Variants in MYO5B observed in about 807,000 individuals in gnomAD.
MYO5B encodes the protein myosin VB, also known as unconventional myosin-Vb.
Under a neutral mutation model 229.3 loss-of-function variants are expected in MYO5B, and 143 were observed. That is an observed-to-expected ratio of 0.62 (90% CI 0.54 to 0.72). The LOEUF is 0.72. Among genes scored for constraint, MYO5B ranks in the 30% least tolerant of loss-of-function variants. The probability of loss-of-function intolerance (pLI) is 0.00; values close to 1 mark genes in which losing one functional copy is unlikely to be tolerated. For missense variants in MYO5B, 2,321 were observed against 2,331.0 expected (o/e 1.00, Z 0.09); for synonymous variants, 918 against 885.2 (o/e 1.04, Z -0.66).
At chr18:50,104,360 T>A (rs1328797272) in intron 1 of MYO5B, among the ~76,000 whole-genome samples, 1 of 150,964 alleles carries the variant, frequency 6.6e-6, no homozygotes, top group East Asian at 1.9e-4. Context: ...CAAAAAAATT[T>A]ACCAATTTTT....
intron 1 of MYO5B, among the ~76,000 whole-genome samples, chr18:50,078,280 G>T (rs1049675524): frequency 6.6e-6 from 1 of 152,164 alleles, no homozygotes; most frequent in African/African-American, 2.4e-5. Flanking sequence ...AGTAGATTAG[G>T]TGCCTTTCGA....
At chr18:49,897,728 G>C (rs1336240296) in intron 21 of MYO5B, among the ~76,000 whole-genome samples, 1 of 152,194 alleles carries the variant, frequency 6.6e-6, no homozygotes, top group Non-Finnish European at 1.5e-5. Flanking sequence ...GTACTCCAAG[G>C]TTAATTATTG....
chr18:49,856,872 T>C lies in MYO5B; in HGVS notation c.3963A>G (p.Gly1321=). 1 of 1,614,146 alleles carries C rather than the reference T, an allele frequency of 6.2e-7. No homozygotes were observed. Among genetic ancestry groups the C allele is most frequent in the Non-Finnish European group, 8.5e-7 (1 of 1,179,964 alleles). ...CQTNSKTEDW[G]YLNEDGELGL... ...CGAGTTCTCCATCTTCATTTAAATA[T>C]CCCCAATCCTCAGTCTTGCTAGAAA... The change falls in exon 30 of 40, where the codon GGA becomes GGG. Residue 1321 remains glycine, a synonymous_variant. Coordinates refer to ENST00000285039, the MANE Select transcript of MYO5B (RefSeq NM_001080467.3).
chr18:50,096,202 A>C (rs917381419), intron 1 of MYO5B, among the ~76,000 whole-genome samples: 2 of 152,182 alleles, frequency 1.3e-5, no homozygotes, highest in African/African-American at 4.8e-5. Context: ...TTTGACCTAA[A>C]GAAAGGCAGC....
At chr18:50,001,446 A>G in intron 4 of MYO5B, 35 bp from the exon 5 acceptor site, 1 of 1,613,024 alleles carries the variant, frequency 6.2e-7, no homozygotes, top group Non-Finnish European at 8.5e-7. Flanking sequence ...GTCATTGGCC[A>G]TGGAAAGGCT....
intron 4 of MYO5B, among the ~76,000 whole-genome samples, chr18:50,034,514 C>T (rs187927112): frequency 3.3e-5 from 5 of 152,230 alleles, no homozygotes; most frequent in Admixed American, 6.5e-5. Context: ...GAGGCAGAGG[C>T]GGGTGGATTA....
At chr18:50,107,174 G>C (rs147767771) in intron 1 of MYO5B, among the ~76,000 whole-genome samples, 4 of 128,954 alleles carry the variant, frequency 3.1e-5, no homozygotes, top group African/African-American at 8.6e-5. Context: ...GGTTGGAGTA[G>C]AGTGGCACGA....
At chr18:49,964,774 G>T (rs1325046207) in intron 10 of MYO5B, among the ~76,000 whole-genome samples, 2 of 152,152 alleles carry the variant, frequency 1.3e-5, no homozygotes, top group Non-Finnish European at 2.9e-5. Context: ...TGAGCGCTTT[G>T]TATCTTAGAA....
At chr18:50,055,225 G>GCCCCCCCCCCCCCCCCCCCC in intron 2 of MYO5B, 43 bp downstream of exon 2, 10 of 700,364 alleles carry the variant, frequency 1.4e-5, no homozygotes, top group South Asian at 7.4e-5. Context: ...TGAGCTCCCT[G>GCCCCCCCCCCCCCCCCCCCC]CCCCACCTCA....
intron 11 of MYO5B, among the ~76,000 whole-genome samples, 186 bp downstream of exon 11, chr18:49,962,763 C>T (rs190629912): frequency 4.6e-5 from 7 of 152,252 alleles, no homozygotes; most frequent in Admixed American, 4.6e-4. Flanking sequence ...CAGTTGCCCC[C>T]ATTCAGTTCT....
In MYO5B at chr18:50,040,308, C is replaced by G. The variant is rs141998504; in HGVS notation, c.145G>C (p.Glu49Gln). 0.014 allele frequency: 22,948 copies of G among 1,613,890 alleles called. 208 individuals carry two copies. The highest frequency in any genetic ancestry group is 0.022 in the South Asian group (2,038 of 91,054). The change falls in exon 3 of 40, where the codon GAA becomes CAA. Residue 49 changes from glutamate to glutamine, a missense_variant. Around this residue, in one of 2 missense-constraint regions of MYO5B, gnomAD observed 2,113 missense variants for 2,044.7 expected, o/e 1.03. Coordinates refer to ENST00000285039, the MANE Select transcript of MYO5B (RefSeq NM_001080467.3). ...QLRLEDETIL[E>Q]YPIDVQRNQL... ...TTGCGTTGTACATCAATTGGGTATT[C>G]CAGAATCTAAAGACATGCAAGTAGC... is the stretch of plus-strand genomic sequence containing the variant.
At chr18:49,921,077 A>C (rs1378395539) in intron 17 of MYO5B, among the ~76,000 whole-genome samples, 2 of 152,184 alleles carry the variant, frequency 1.3e-5, no homozygotes, top group Non-Finnish European at 2.9e-5. Context: ...CCATGATTAA[A>C]TAGGGAGAGG....
intron 18 of MYO5B, 111 bp from the exon 19 acceptor site, chr18:49,906,741 C>A (rs2024904419): frequency 5.3e-6 from 5 of 935,688 alleles, no homozygotes; most frequent in Non-Finnish European, 6.7e-6. Context: ...ACTTCATGCA[C>A]CCCTCTCTGT....
intron 1 of MYO5B, among the ~76,000 whole-genome samples, chr18:50,104,212 C>G (rs72917877): frequency 0.14 from 18,905 of 136,176 alleles, 1,376 homozygotes; most frequent in East Asian, 0.24. Flanking sequence ...AGGACATTAA[C>G]AACTTTAAGG....
At chr18:49,968,058 T>C (rs1255034870) in intron 10 of MYO5B, among the ~76,000 whole-genome samples, 1 of 152,072 alleles carries the variant, frequency 6.6e-6, no homozygotes, top group East Asian at 1.9e-4. Context: ...CAGCCAACTG[T>C]CCCAAACTAT....
chr18:49,841,347 G>A lies in MYO5B; in HGVS notation c.4701+18C>T, dbSNP rs1345063430. On this transcript the variant is annotated intron_variant, in intron 35 of 39. Transcript: ENST00000285039. Reference sequence around the variant, plus strand: ...GATGAAGCAGGAATGCCTCCTGGGTGCCTGGCTCCCCACTCACCTCATCCC... The same window carrying A: ...GATGAAGCAGGAATGCCTCCTGGGTACCTGGCTCCCCACTCACCTCATCCC... 2 of 1,611,702 alleles carry A rather than the reference G, an allele frequency of 1.2e-6. No homozygotes were observed. The highest frequency in any genetic ancestry group is 1.7e-5 in the Admixed American group (1 of 60,022).
At chr18:49,841,585 C>T in intron 34 of MYO5B, 131 bp from the exon 35 acceptor site, 1 of 820,070 alleles carries the variant, frequency 1.2e-6, no homozygotes, top group Non-Finnish European at 2.1e-6. Context: ...GGGCAGGGCA[C>T]TTGCCAGTCA....
chr18:50,185,493 C>T lies in MYO5B; in HGVS notation c.27+9274G>A, dbSNP rs375489447. Among the ~76,000 whole-genome samples, 419 of 152,194 alleles carry T rather than the reference C, an allele frequency of 2.8e-3. 3 individuals are homozygous for T. The highest frequency in any genetic ancestry group is 9.8e-3 in the African/African-American group (406 of 41,528). On this transcript the variant is annotated intron_variant, in intron 1 of 39. Coordinates refer to ENST00000285039, the MANE Select transcript of MYO5B (RefSeq NM_001080467.3). ...ATCTTTCACAGTATCAAAAGATTAA[C>T]AATTTATTAGTATGTTCAAAAAAGC...
chr18:50,047,282 T>C (rs1048359690), intron 2 of MYO5B, among the ~76,000 whole-genome samples: 9 of 152,104 alleles, frequency 5.9e-5, no homozygotes, highest in Non-Finnish European at 1.2e-4. Flanking sequence ...GGGTGAAGGA[T>C]ATGAACAGAC....
Sources: allele counts gnomAD v4.1 joint callset (sites outside exome capture counted in the v4.1 genomes callset), GRCh38; gene constraint gnomAD v4.1.1; regional missense constraint gnomAD v4.1.1; transcripts MANE v1.5; gene names NCBI Gene and HGNC (gene_info 2026-07-23, HGNC 2026-07-21).